Variants in PCDHGA11 observed in about 807,000 individuals in gnomAD.
PCDHGA11 encodes the protein protocadherin gamma subfamily A, 11.
In PCDHGA11, 39 loss-of-function variants were observed where a neutral mutation model predicts 60.4. That is an observed-to-expected ratio of 0.65 (90% CI 0.50 to 0.84). The LOEUF (loss-of-function observed/expected upper bound fraction) is 0.84. Among genes scored for constraint, PCDHGA11 ranks in the 40% least tolerant of loss-of-function variants. PCDHGA11 has a pLI of 0.00. For synonymous variants in PCDHGA11, 533 were observed against 510.3 expected, an observed-to-expected ratio of 1.04 and a Z score of -0.60; for missense variants, 1,165 against 1,197.7, an observed-to-expected ratio of 0.97 and a Z score of 0.40.
At chr5:141,429,875 A>G (rs959789833) in intron 1 of PCDHGA11, among the ~76,000 whole-genome samples, 3 of 152,322 alleles carry the variant, frequency 2.0e-5, no homozygotes, top group Middle Eastern at 6.8e-3. Context: ...ATTTTCTTTT[A>G]CTAAGTTTCC....
chr5:141,443,788 A>C (rs1468852602), intron 1 of PCDHGA11, among the ~76,000 whole-genome samples: 2 of 152,224 alleles, frequency 1.3e-5, no homozygotes, highest in African/African-American at 4.8e-5. Context: ...AGACAAAAAA[A>C]ATGAAAAGGA....
chr5:141,483,637 G>C (rs1365525499), intron 1 of PCDHGA11, among the ~76,000 whole-genome samples: 2 of 145,762 alleles, frequency 1.4e-5, no homozygotes. Context: ...AAGGTATAGA[G>C]GGGTGTGTGT....
intron 1 of PCDHGA11, among the ~76,000 whole-genome samples, chr5:141,437,811 C>A (rs964885701): frequency 6.6e-6 from 1 of 150,864 alleles, no homozygotes; most frequent in African/African-American, 2.4e-5. Flanking sequence ...TATCTTGGCT[C>A]ACTGCAACCT....
At chr5:141,461,607 A>C (rs74634930) in intron 1 of PCDHGA11, among the ~76,000 whole-genome samples, 8,353 of 152,212 alleles carry the variant, frequency 0.055, 473 homozygotes, top group African/African-American at 0.15. Flanking sequence ...AATTTAGTTC[A>C]AAGTATTTTC....
At position 141,487,710 on chromosome 5, in the gene PCDHGA11, G is replaced by A. The variant is rs199722860; in HGVS notation, c.2434-7097G>A. ...CTAGAGAGTACTGGCCTCTCAGTAA[G>A]TGCCCATAGTGATGTCACCATTTTT... On this transcript the variant is annotated intron_variant, in intron 1 of 3. Transcript: ENST00000398587. The surrounding 1 kb of genome is among the most constrained non-coding windows in gnomAD (Gnocchi z 5.0). 3.8e-4 allele frequency: 596 copies of A among 1,586,168 alleles called. No individual in the cohort carries two copies. The highest frequency in any genetic ancestry group is 4.5e-4 in the Non-Finnish European group (529 of 1,164,386).
Position 141,431,804 on chromosome 5 carries a change from C to G in PCDHGA11, c.2433+8144C>G. On this transcript the variant is annotated intron_variant, in intron 1 of 3. Transcript: ENST00000398587. This position sits in a 1 kb window ranked among gnomAD's most constrained non-coding sequence, Gnocchi z 4.8. Reference sequence around the variant, plus strand: ...GAACGACAATGCCCCAGAAGTGGTCCTCACCTCTCTCGCCAGCTCGGTTCC... The same window carrying G: ...GAACGACAATGCCCCAGAAGTGGTCGTCACCTCTCTCGCCAGCTCGGTTCC... 6.2e-7 allele frequency: 1 copy of G among 1,614,232 alleles called. No homozygotes were observed. The highest frequency in any genetic ancestry group is 1.3e-5 in the African/African-American group (1 of 75,056).
chr5:141,471,046 C>CTT (rs1170588345), intron 1 of PCDHGA11, among the ~76,000 whole-genome samples: 26 of 113,248 alleles, frequency 2.3e-4, no homozygotes, highest in Non-Finnish European at 3.0e-4. Context: ...CCCAAGCCCT[C>CTT]TTTTTTTTTT....
intron 1 of PCDHGA11, among the ~76,000 whole-genome samples, chr5:141,450,649 G>A (rs2098689040): frequency 6.6e-6 from 1 of 151,674 alleles, no homozygotes; most frequent in African/African-American, 2.4e-5. Flanking sequence ...ACCATGCCTG[G>A]CTAATTTTTG....
rs765756193 is a variant in PCDHGA11, at chr5:141,511,105, C to T, written c.2740C>T (p.Arg914Trp). The T allele has an allele frequency of 2.8e-5, 46 of 1,614,196 alleles. No individual in the cohort carries two copies. In the East Asian group the frequency reaches 3.1e-4, roughly 11 times the overall value. Residue 914 changes from arginine to tryptophan, a missense_variant, in exon 4 of 4, where the codon CGG becomes TGG. Transcript: ENST00000398587. ...CACACTGACCAACGCAGCTGGCAAG[C>T]GGGATGGCAAGGCCCCAGCAGGTGG... ...NATLTNAAGK[R>W]DGKAPAGGNG...
At position 141,422,716 on chromosome 5, in the gene PCDHGA11, G is replaced by T. The variant is rs1348237465; in HGVS notation, c.1489G>T (p.Val497Phe). 6.2e-7 allele frequency: 1 copy of T among 1,604,378 alleles called. No individual in the cohort carries two copies. Among genetic ancestry groups the T allele is most frequent in the African/African-American group, 1.3e-5 (1 of 74,856 alleles). Residue 497 changes from valine to phenylalanine, a missense_variant, in exon 1 of 4, where the codon GTC becomes TTC. Physicochemically the swap from Val to Phe is conservative, Grantham distance 50. Transcript: ENST00000398587. ...CACTTACTCTCTGACGGATGACACT[G>T]TCCAGGGGGTGCCTCTGTCCTCCTA... is the stretch of plus-strand genomic sequence containing the variant. ...LVTYSLTDDT[V>F]QGVPLSSYVS...
At chr5:141,446,093 GA>G (rs1217618203) in intron 1 of PCDHGA11, among the ~76,000 whole-genome samples, 1 of 152,118 alleles carries the variant, frequency 6.6e-6, no homozygotes, top group Admixed American at 6.5e-5. Flanking sequence ...ATAAATGGAT[GA>G]ATTATAGATA....
Position 141,491,795 on chromosome 5 carries a change from C to T in PCDHGA11, c.2434-3012C>T. On this transcript the variant is annotated intron_variant, in intron 1 of 3. Coordinates refer to ENST00000398587, the MANE Select transcript of PCDHGA11 (RefSeq NM_018914.3). This position sits in a 1 kb window ranked among gnomAD's most constrained non-coding sequence, Gnocchi z 6.9. ...GGATTGAACTTGCATCCACTCCTCT[C>T]CGGCCGGCTTGGTCGCTGGCTGCGC... 6 of 1,511,694 alleles carry T rather than the reference C, an allele frequency of 4.0e-6. No individual in the cohort carries two copies. Among genetic ancestry groups the T allele is most frequent in the Non-Finnish European group, 5.3e-6 (6 of 1,130,430 alleles). 93.6% of individuals were successfully genotyped at this position (1,511,694 alleles called of 1,614,324 possible).
Position 141,478,294 on chromosome 5 carries a change from A to G in PCDHGA11, c.2434-16513A>G, listed in dbSNP as rs147994096. The G allele has an allele frequency of 3.6e-3, 5,805 of 1,614,110 alleles. 30 individuals are homozygous for G. Among genetic ancestry groups the G allele is most frequent in the Non-Finnish European group, 3.4e-3 (4,026 of 1,180,032 alleles). The stretch of plus-strand genomic sequence containing the variant: ...ACAAGTGGAAGCAGTCTAGAGACCT[A>G]TACCGAGCCCCGGTGAGCTCACTGT... On this transcript the variant is annotated intron_variant, in intron 1 of 3. Coordinates refer to ENST00000398587, the MANE Select transcript of PCDHGA11 (RefSeq NM_018914.3).
chr5:141,426,790 A>T, intron 1 of PCDHGA11: 1 of 456,732 alleles, frequency 2.2e-6, no homozygotes, highest in Middle Eastern at 3.3e-4. Flanking sequence ...CTCCAGAGTT[A>T]CCAGCTCAGT....
intron 1 of PCDHGA11, among the ~76,000 whole-genome samples, chr5:141,445,978 TTATAAA>T (rs551337386): frequency 6.6e-6 from 1 of 152,272 alleles, no homozygotes; most frequent in East Asian, 1.9e-4. Context: ...TTTATGAGGG[TTATAAA>T]TAGAAATAGG....
Position 141,453,270 on chromosome 5 carries a change from T to C in PCDHGA11, c.2433+29610T>C, listed in dbSNP as rs1592250907. 4.6e-5 allele frequency among the ~76,000 whole-genome samples: 7 copies of C among 152,146 alleles called. No homozygotes were observed. In the South Asian group the frequency reaches 1.5e-3, roughly 32 times the overall value. On this transcript the variant is annotated intron_variant, in intron 1 of 3. Transcript: ENST00000398587. The stretch of plus-strand genomic sequence containing the variant: ...CTGGGGCTGCAAGTGCACACCACCA[T>C]GACTGGCTAATTTTTTAATTATTTA...
rs191642740 is a variant in PCDHGA11 at position 141,509,833 on chromosome 5, C to T, written c.2582-1114C>T. On this transcript the variant is annotated intron_variant, in intron 3 of 3. Coordinates refer to ENST00000398587, the MANE Select transcript of PCDHGA11 (RefSeq NM_018914.3). ...GAGCTCTTCTCCATCTTCTCTCTAC[C>T]TCCCATTCACTCAGAACAGGGATAA... 2.6e-5 allele frequency among the ~76,000 whole-genome samples: 4 copies of T among 152,300 alleles called. No individual in the cohort carries two copies. The East Asian group carries it at 7.7e-4, about 29-fold the overall frequency.
intron 1 of PCDHGA11, among the ~76,000 whole-genome samples, chr5:141,492,530 C>A (rs1595123138): frequency 1.3e-5 from 2 of 152,246 alleles, no homozygotes; most frequent in South Asian, 2.1e-4. Flanking sequence ...CCCACCTGCG[C>A]CCCGGGCTGG....
Position 141,477,514 on chromosome 5 carries a change from T to G in PCDHGA11, c.2434-17293T>G. 1 of 1,614,114 alleles carries G rather than the reference T, an allele frequency of 6.2e-7. No individual in the cohort carries two copies. Among genetic ancestry groups the G allele is most frequent in the Non-Finnish European group, 8.5e-7 (1 of 1,180,026 alleles). On this transcript the variant is annotated intron_variant, in intron 1 of 3. Coordinates refer to ENST00000398587, the MANE Select transcript of PCDHGA11 (RefSeq NM_018914.3). The surrounding 1 kb of genome is among the most constrained non-coding windows in gnomAD (Gnocchi z 4.9). Reference sequence around the variant, plus strand: ...CTCAATCTTCCTACGACGTTTACATTGAAGAAAACAACCTCCCCGGGGCTC... The same window carrying G: ...CTCAATCTTCCTACGACGTTTACATGGAAGAAAACAACCTCCCCGGGGCTC...
Sources: allele counts gnomAD v4.1 joint callset (sites outside exome capture counted in the v4.1 genomes callset), GRCh38; gene constraint gnomAD v4.1.1; non-coding constraint Gnocchi (gnomAD v3.1); transcripts MANE v1.5; gene names NCBI Gene and HGNC (gene_info 2026-07-23, HGNC 2026-07-21).